Variants in GNA15 observed in about 807,000 individuals in gnomAD.
GNA15 encodes guanine nucleotide-binding protein subunit alpha-15.
In GNA15, 23 loss-of-function variants were observed where a neutral mutation model predicts 40.1. The ratio of observed to expected loss-of-function variants is 0.57; its 90% CI spans 0.41 to 0.81. The LOEUF (loss-of-function observed/expected upper bound fraction) is 0.81, where lower values mean the gene tolerates loss of function less well. GNA15 is among the 40% of genes least tolerant of loss of function. The pLI, the probability that GNA15 is intolerant of heterozygous loss-of-function variation, is 0.00. For synonymous variants in GNA15, 226 were observed against 210.4 expected, an observed-to-expected ratio of 1.07 and a Z score of -0.64; for missense variants, 522 against 515.8, an observed-to-expected ratio of 1.01 and a Z score of -0.12.
At chr19:3,139,801 C>T (rs972352279) in intron 1 of GNA15, among the ~76,000 whole-genome samples, 4 of 151,786 alleles carry the variant, frequency 2.6e-5, no homozygotes, top group Admixed American at 6.6e-5. Flanking sequence ...TTTGGGGGGC[C>T]GAGGAGGGTG....
intron 1 of GNA15, among the ~76,000 whole-genome samples, chr19:3,147,275 A>G (rs1313226146): frequency 2.0e-5 from 3 of 152,242 alleles, no homozygotes; most frequent in East Asian, 1.9e-4. Context: ...AAAATAGGCC[A>G]GGCACGGTGG....
At chr19:3,140,055 C>CTATCTATCTATCTATCTATCTATG (rs1440734241) in intron 1 of GNA15, among the ~76,000 whole-genome samples, 12 of 150,254 alleles carry the variant, frequency 8.0e-5, no homozygotes, top group East Asian at 2.0e-4. Flanking sequence ...ATCTATCTAT[C>CTATCTATCTATCTATCTATCTATG]TATCTATCTA....
chr19:3,149,360 AAC>A (rs1295193718), intron 2 of GNA15: 3 of 158,244 alleles, frequency 1.9e-5, no homozygotes, highest in Non-Finnish European at 2.8e-5. Context: ...CACATACACA[AAC>A]ACACAAGGAT....
At chr19:3,156,057 C>A (rs528294120) in intron 5 of GNA15, 105 bp downstream of exon 5, 3 of 1,061,410 alleles carry the variant, frequency 2.8e-6, no homozygotes, top group Non-Finnish European at 1.4e-6. Flanking sequence ...CTTGAACGGG[C>A]CTGTGTGTGC....
In GNA15 at chr19:3,136,515, C is replaced by T; in HGVS notation, c.65C>T (p.Ala22Val). The T allele has an allele frequency of 2.6e-6, 4 of 1,564,772 alleles. No individual in the cohort carries two copies. The highest frequency in any genetic ancestry group is 3.5e-6 in the Non-Finnish European group (4 of 1,155,006). ...WCLTEDEKAA[A>V]RVDQEINRIL... ...CTGACGGAGGATGAGAAGGCCGCCG[C>T]CCGGGTGGACCAGGAGATCAACAGG... is the stretch of plus-strand genomic sequence containing the variant. Residue 22 changes from alanine (A) to valine (V), a missense_variant, in exon 1 of 7, where the codon GCC (alanine) becomes GTC (valine). Transcript: ENST00000262958. The surrounding 1 kb of genome is among the most constrained non-coding windows in gnomAD (Gnocchi z 4.9).
chr19:3,154,126 AGATGGATGGGTGGATGGATAGATG>A (rs1914946571), intron 4 of GNA15, among the ~76,000 whole-genome samples: 1 of 142,846 alleles, frequency 7.0e-6, no homozygotes, highest in African/African-American at 2.6e-5. Context: ...GTGAATGAAT[AGATGGATGGGTGGATGGATAGATG>A]GATGGATGGG....
Position 3,136,297 on chromosome 19 carries a change from C to T in GNA15, c.-154C>T. ...TCCTGGGTGTTTCAGGCAAGGAAGT[C>T]TAGGTCCCTGGGGGGTGACCCCCAA... On this transcript the variant is annotated 5_prime_UTR_variant, in exon 1 of 7. Coordinates refer to ENST00000262958, the MANE Select transcript of GNA15 (RefSeq NM_002068.4). The surrounding 1 kb of genome is among the most constrained non-coding windows in gnomAD (Gnocchi z 4.9). The T allele has an allele frequency of 1.4e-6, 1 of 715,146 alleles. No individual in the cohort carries two copies. Among genetic ancestry groups the T allele is most frequent in the South Asian group, 1.9e-5 (1 of 52,190 alleles). The allele number at this position is 715,146 out of a possible 1,614,324, so 44.3% of individuals were successfully genotyped here.
At chr19:3,144,735 A>T (rs190626949) in intron 1 of GNA15, among the ~76,000 whole-genome samples, 1 of 150,626 alleles carries the variant, frequency 6.6e-6, no homozygotes, top group Admixed American at 6.6e-5. Context: ...TCACCGTGTT[A>T]GCCAGGATGG....
chr19:3,136,737 C>T lies in GNA15; in HGVS notation c.145+142C>T. The stretch of plus-strand genomic sequence containing the variant: ...CGCCTCCTCCCAGGGAATGGGGAGC[C>T]TGGAACCCATTTTCCAGATGAGAAA... On this transcript the variant is annotated intron_variant, in intron 1 of 6. Coordinates refer to ENST00000262958, the MANE Select transcript of GNA15 (RefSeq NM_002068.4). The surrounding 1 kb of genome is among the most constrained non-coding windows in gnomAD (Gnocchi z 4.9). 2 of 762,044 alleles carry T rather than the reference C, an allele frequency of 2.6e-6. No individual in the cohort carries two copies. Among genetic ancestry groups the T allele is most frequent in the South Asian group, 1.9e-5 (1 of 53,782 alleles). 47.2% of individuals were successfully genotyped at this position (762,044 alleles called of 1,614,324 possible).
chr19:3,138,298 C>G (rs902958603), intron 1 of GNA15, among the ~76,000 whole-genome samples: 1 of 152,174 alleles, frequency 6.6e-6, no homozygotes. Context: ...TCTGAAACCT[C>G]GGGGTCTTCT....
intron 6 of GNA15, among the ~76,000 whole-genome samples, chr19:3,158,295 G>A (rs1049232920): frequency 6.6e-6 from 1 of 151,770 alleles, no homozygotes; most frequent in Non-Finnish European, 1.5e-5. Context: ...AACTACAGGT[G>A]CGCGCCACCA....
In GNA15 at chr19:3,155,973, C is replaced by T. The variant is rs1599328957; in HGVS notation, c.744+21C>T. On this transcript the variant is annotated intron_variant, in intron 5 of 6. Coordinates refer to ENST00000262958, the MANE Select transcript of GNA15 (RefSeq NM_002068.4). The surrounding 1 kb of genome is among the most constrained non-coding windows in gnomAD (Gnocchi z 5.6). ...AGGAGGTGCGCCACCGCCTCCCTCG[C>T]CCTGCCCACTTGTTGGCCCAGGGAC... The T allele has an allele frequency of 9.3e-6, 15 of 1,611,174 alleles. No individual in the cohort carries two copies. Among genetic ancestry groups the T allele is most frequent in the Non-Finnish European group, 1.2e-5 (14 of 1,177,976 alleles).
chr19:3,151,641 C>G lies in GNA15; in HGVS notation c.486-66C>G. 1 of 1,477,958 alleles carries G rather than the reference C, an allele frequency of 6.8e-7. No individual in the cohort carries two copies. The highest frequency in any genetic ancestry group is 1.4e-5 in the South Asian group (1 of 70,522). The allele number at this position is 1,477,958 out of a possible 1,614,324, so 91.6% of individuals were successfully genotyped here. A position where few individuals can be genotyped will look rare whatever the true frequency, so the allele number is the denominator to read the frequency against. ...CCAGCAGGGTCCTTGCTGGGCCTTTCGTAGGGCCTGGGAAGCAAAGGGAGG... is the reference window on the plus strand; with the variant it reads ...CCAGCAGGGTCCTTGCTGGGCCTTTGGTAGGGCCTGGGAAGCAAAGGGAGG... On this transcript the variant is annotated intron_variant, in intron 3 of 6. Transcript: ENST00000262958. This position sits in a 1 kb window ranked among gnomAD's most constrained non-coding sequence, Gnocchi z 5.0.
intron 1 of GNA15, among the ~76,000 whole-genome samples, chr19:3,137,446 A>C (rs1223104149): frequency 6.6e-6 from 1 of 152,116 alleles, no homozygotes; most frequent in African/African-American, 2.4e-5. Flanking sequence ...TCAGGAGTTC[A>C]AGACACAGCC....
chr19:3,158,563 TCTA>T (rs1915079451), intron 6 of GNA15, among the ~76,000 whole-genome samples: 1 of 152,172 alleles, frequency 6.6e-6, no homozygotes. Flanking sequence ...GGAAAGATTG[TCTA>T]CTATTTCCAG....
intron 2 of GNA15, 108 bp from the exon 3 acceptor site, chr19:3,150,022 TG>T: frequency 1.1e-6 from 1 of 878,474 alleles, no homozygotes; most frequent in Non-Finnish European, 1.8e-6. Context: ...AGGAGAGCAG[TG>T]GGAAGAGAGC....
At chr19:3,156,284 GCA>G (rs1303386711) in intron 5 of GNA15, among the ~76,000 whole-genome samples, 6 of 150,898 alleles carry the variant, frequency 4.0e-5, no homozygotes, top group Non-Finnish European at 7.4e-5. Context: ...ATACACACGT[GCA>G]CACACGGGAC....
At chr19:3,157,048 A>G (rs1012623016) in intron 5 of GNA15, among the ~76,000 whole-genome samples, 1 of 151,650 alleles carries the variant, frequency 6.6e-6, no homozygotes, top group African/African-American at 2.4e-5. Flanking sequence ...CCCAGGTTAG[A>G]GTGCAGTGGC....
Position 3,136,707 on chromosome 19 carries a change from G to A in GNA15, c.145+112G>A. ...CTAGGTCAGACATTGGCATCGTGGA[G>A]CCGTCGCCTCCTCCCAGGGAATGGG... On this transcript the variant is annotated intron_variant, in intron 1 of 6. Transcript: ENST00000262958. This position sits in a 1 kb window ranked among gnomAD's most constrained non-coding sequence, Gnocchi z 4.9. 1.1e-6 allele frequency: 1 copy of A among 943,844 alleles called. No homozygotes were observed. 58.5% of individuals were successfully genotyped at this position (943,844 alleles called of 1,614,324 possible). A position where few individuals can be genotyped will look rare whatever the true frequency, so the allele number is the denominator to read the frequency against.
Sources: allele counts gnomAD v4.1 joint callset (sites outside exome capture counted in the v4.1 genomes callset), GRCh38; gene constraint gnomAD v4.1.1; non-coding constraint Gnocchi (gnomAD v3.1); transcripts MANE v1.5; gene names NCBI Gene and HGNC (gene_info 2026-07-23, HGNC 2026-07-21).